ELMO1: variants seen among roughly 807,000 people sequenced by gnomAD.
ELMO1 encodes the protein engulfment and cell motility 1.
In ELMO1, 26 loss-of-function variants were observed where a neutral mutation model predicts 98.9. The ratio of observed to expected loss-of-function variants is 0.26; its 90% CI spans 0.19 to 0.36. The LOEUF (loss-of-function observed/expected upper bound fraction) is 0.36. Ranked by LOEUF, ELMO1 falls within the 10% of genes least tolerant of loss-of-function variation. The pLI, the probability that ELMO1 is intolerant of heterozygous loss-of-function variation, is 1.00. For synonymous variants in ELMO1, 346 were observed against 346.0 expected (o/e 1.00, Z 0.00); for missense variants, 627 against 935.2 (o/e 0.67, Z 4.30).
chr7:37,369,165 C>G (rs1358554334), intron 1 of ELMO1, among the ~76,000 whole-genome samples: 1 of 152,188 alleles, frequency 6.6e-6, no homozygotes, highest in Non-Finnish European at 1.5e-5. Flanking sequence ...AGGACTTTCA[C>G]TCATATGGAA....
At chr7:37,038,896 G>C (rs1370028658) in intron 15 of ELMO1, among the ~76,000 whole-genome samples, 1 of 152,072 alleles carries the variant, frequency 6.6e-6, no homozygotes, top group African/African-American at 2.4e-5. Flanking sequence ...CTTCTGATAA[G>C]GGCACTAATC....
chr7:37,425,798 A>G (rs1269552550), intron 1 of ELMO1, among the ~76,000 whole-genome samples: 1 of 152,224 alleles, frequency 6.6e-6, no homozygotes, highest in East Asian at 1.9e-4. Context: ...TACAAAAGAA[A>G]GCTGATTTCT....
intron 16 of ELMO1, among the ~76,000 whole-genome samples, chr7:36,971,184 C>A (rs1202575558): frequency 1.3e-5 from 2 of 152,220 alleles, no homozygotes; most frequent in African/African-American, 4.8e-5. Flanking sequence ...TTTCACCAAA[C>A]ATTAAGAGGA....
At chr7:37,138,120 C>T (rs1404676754) in intron 13 of ELMO1, among the ~76,000 whole-genome samples, 2 of 151,904 alleles carry the variant, frequency 1.3e-5, no homozygotes, top group African/African-American at 2.4e-5. Flanking sequence ...ATGCCTACAT[C>T]GGAAGTCTGA....
chr7:36,911,243 G>A (rs184085677), intron 16 of ELMO1, among the ~76,000 whole-genome samples: 3 of 152,208 alleles, frequency 2.0e-5, no homozygotes, highest in East Asian at 1.9e-4. Flanking sequence ...AGATCAATGC[G>A]TCCTTTCCTC....
chr7:36,950,181 G>A (rs1195455942), intron 16 of ELMO1, among the ~76,000 whole-genome samples: 12 of 152,154 alleles, frequency 7.9e-5, no homozygotes, highest in South Asian at 2.1e-4. Context: ...CAAGGTGCCC[G>A]GGACAGCTGG....
intron 1 of ELMO1, chr7:37,353,301 T>C (rs2131303981): frequency 6.6e-6 from 1 of 152,450 alleles, no homozygotes; most frequent in East Asian, 1.9e-4. Flanking sequence ...TTTCAGTTCT[T>C]AAAGATGGTG....
intron 16 of ELMO1, among the ~76,000 whole-genome samples, chr7:36,929,394 TA>T (rs1785845084): frequency 6.6e-6 from 1 of 152,168 alleles, no homozygotes; most frequent in African/African-American, 2.4e-5. Flanking sequence ...AAAGCATTGG[TA>T]AATACACATC....
intron 16 of ELMO1, among the ~76,000 whole-genome samples, chr7:36,984,699 T>C (rs1791368715): frequency 6.6e-6 from 1 of 152,252 alleles, no homozygotes; most frequent in Non-Finnish European, 1.5e-5. Context: ...TCATTCTCTT[T>C]TCCTCTCTCC....
At chr7:37,196,930 G>A (rs1419245794) in intron 13 of ELMO1, among the ~76,000 whole-genome samples, 3 of 152,150 alleles carry the variant, frequency 2.0e-5, no homozygotes, top group African/African-American at 7.2e-5. Flanking sequence ...GCTGGGTGTG[G>A]CCACTGCAGC....
intron 13 of ELMO1, among the ~76,000 whole-genome samples, chr7:37,159,633 A>T (rs185787954): frequency 1.3e-5 from 2 of 152,246 alleles, no homozygotes; most frequent in East Asian, 3.9e-4. Flanking sequence ...CAGGAGGCAG[A>T]GGTTGCTGTG....
rs185217760 is a variant in ELMO1, at chr7:37,417,428, G to A, written c.-74+31247C>T. On this transcript the variant is annotated intron_variant, in intron 1 of 21. Transcript: ENST00000310758. ...TGTAATCCCAGCACTTTCGGAGGCC[G>A]AGGTGGGAGGATCACGAGGTCAGCA... is the stretch of plus-strand genomic sequence containing the variant. 5.9e-5 allele frequency among the ~76,000 whole-genome samples: 9 copies of A among 152,294 alleles called. No individual in the cohort carries two copies. The East Asian group carries it at 1.2e-3, about 20-fold the overall frequency.
chr7:37,049,081 C>G (rs1396359957), intron 15 of ELMO1, among the ~76,000 whole-genome samples: 1 of 152,136 alleles, frequency 6.6e-6, no homozygotes, highest in African/African-American at 2.4e-5. Flanking sequence ...CTTGTTTTCT[C>G]TGTCTTCCCA....
At chr7:37,293,590 G>A (rs1354287632) in intron 4 of ELMO1, among the ~76,000 whole-genome samples, 37 of 108,540 alleles carry the variant, frequency 3.4e-4, no homozygotes, top group African/African-American at 1.5e-4. Flanking sequence ...GCGGAAGGCC[G>A]CAGGGTCCTC....
intron 12 of ELMO1, among the ~76,000 whole-genome samples, chr7:37,213,062 C>G (rs554789056): frequency 1.3e-5 from 2 of 152,292 alleles, no homozygotes; most frequent in African/African-American, 4.8e-5. Flanking sequence ...GGGCCAGGAG[C>G]TAAAGTCTGT....
chr7:36,862,000 G>T, intron 20 of ELMO1: 1 of 456,836 alleles, frequency 2.2e-6, no homozygotes. Context: ...ATGAGGTGGG[G>T]CTTAGAGAGG....
chr7:36,870,484 C>A lies in ELMO1; in HGVS notation c.1823-9G>T, dbSNP rs374347856. ...GATATCTGCCACCGGCACTGCAATTCATAAAAGAAAATGCAAGTAACTACA... is the reference window on the plus strand; with the variant it reads ...GATATCTGCCACCGGCACTGCAATTAATAAAAGAAAATGCAAGTAACTACA... On this transcript the variant is annotated splice_polypyrimidine_tract_variant and intron_variant, in intron 19 of 21. Transcript: ENST00000310758. The surrounding 1 kb of genome is among the most constrained non-coding windows in gnomAD (Gnocchi z 4.4). 9.9e-6 allele frequency: 16 copies of A among 1,612,324 alleles called. No homozygotes were observed. In the African/African-American group the frequency reaches 1.9e-4, roughly 19 times the overall value.
At chr7:37,075,930 GAGTA>G (rs543087492) in intron 15 of ELMO1, among the ~76,000 whole-genome samples, 2 of 152,210 alleles carry the variant, frequency 1.3e-5, no homozygotes, top group South Asian at 4.1e-4. Flanking sequence ...ATGCTCTGTT[GAGTA>G]AGTAATTTCA....
chr7:37,230,046 C>T (rs997636271), intron 8 of ELMO1, among the ~76,000 whole-genome samples: 2 of 152,112 alleles, frequency 1.3e-5, no homozygotes, highest in Non-Finnish European at 2.9e-5. Flanking sequence ...CGAAATTTTA[C>T]TTAAAATATA....
Sources: gnomAD v4.1 joint callset for allele counts (sites outside exome capture counted in the v4.1 genomes callset) on GRCh38, gnomAD v4.1.1 for gene constraint, Gnocchi (gnomAD v3.1) non-coding constraint, MANE v1.5 for transcripts, NCBI Gene and HGNC (gene_info 2026-07-23, HGNC 2026-07-21) for gene names.